NRXN3: variants seen among roughly 807,000 people sequenced by gnomAD.
NRXN3 encodes the protein neurexin 3.
Under a neutral mutation model 137.6 loss-of-function variants are expected in NRXN3, and 32 were observed. The observed-to-expected ratio is 0.23, with a 90% confidence interval of 0.18 to 0.31. NRXN3 has a LOEUF of 0.31. NRXN3 is among the 10% of genes least tolerant of loss of function. The probability of loss-of-function intolerance (pLI) is 1.00; values close to 1 mark genes in which losing one functional copy is unlikely to be tolerated. For synonymous variants in NRXN3, 798 were observed against 784.5 expected (o/e 1.02, Z -0.29); for missense variants, 1,574 against 2,062.5 (o/e 0.76, Z 4.59).
intron 16 of NRXN3, among the ~76,000 whole-genome samples, chr14:79,634,893 C>T (rs576953171): frequency 6.6e-6 from 1 of 152,154 alleles, no homozygotes; most frequent in Non-Finnish European, 1.5e-5. Context: ...TTTTTAGATT[C>T]CATATATGAG....
chr14:78,403,877 A>C, intron 4 of NRXN3: 2 of 985,334 alleles, frequency 2.0e-6, no homozygotes, highest in Non-Finnish European at 2.4e-6. Flanking sequence ...CGAGCTTGGC[A>C]GGTAAGTCTT....
chr14:79,151,743 G>A lies in NRXN3; in HGVS notation c.3262+163602G>A, dbSNP rs540475988. On this transcript the variant is annotated intron_variant, in intron 15 of 20. Coordinates refer to ENST00000335750, the MANE Select transcript of NRXN3 (RefSeq NM_001330195.2). Reference sequence around the variant, plus strand: ...CTTTTGGGGTAGATCTAGACACCGTGATGTGTCAGCAGCCTCTTAGTTGCT... The same window carrying A: ...CTTTTGGGGTAGATCTAGACACCGTAATGTGTCAGCAGCCTCTTAGTTGCT... 5.9e-5 allele frequency among the ~76,000 whole-genome samples: 9 copies of A among 152,040 alleles called. No individual in the cohort carries two copies. In the East Asian group the frequency reaches 1.8e-3, roughly 30 times the overall value.
intron 15 of NRXN3, among the ~76,000 whole-genome samples, chr14:79,363,187 A>G (rs944093664): frequency 7.9e-5 from 12 of 152,158 alleles, no homozygotes; most frequent in African/African-American, 2.9e-4. Context: ...TTTAGTAGAG[A>G]CAGGGTTTCG....
intron 15 of NRXN3, among the ~76,000 whole-genome samples, chr14:79,263,161 C>T (rs1290473783): frequency 6.6e-6 from 1 of 152,096 alleles, no homozygotes; most frequent in Non-Finnish European, 1.5e-5. Flanking sequence ...AATTTTGGGT[C>T]TTGAACACAT....
At chr14:78,865,166 CAAGG>C (rs2099083457) in intron 10 of NRXN3, among the ~76,000 whole-genome samples, 1 of 152,044 alleles carries the variant, frequency 6.6e-6, no homozygotes, top group South Asian at 2.1e-4. Flanking sequence ...GAAAAAAAGA[CAAGG>C]AAGGTAGTGC....
chr14:78,739,430 G>A (rs748413300), intron 8 of NRXN3, among the ~76,000 whole-genome samples: 15 of 152,148 alleles, frequency 9.9e-5, no homozygotes, highest in Non-Finnish European at 4.4e-5. Context: ...AACTTTGGTT[G>A]CCCTCCACAG....
Position 78,965,621 on chromosome 14 carries a change from C to T in NRXN3, c.2396-404C>T, listed in dbSNP as rs1230826587. ...ACGAGTACTAAGTGGAGAGTTATTACGAGAAAAAATACTTGGTAGTGATGC... is the reference window on the plus strand; with the variant it reads ...ACGAGTACTAAGTGGAGAGTTATTATGAGAAAAAATACTTGGTAGTGATGC... On this transcript the variant is annotated intron_variant, in intron 11 of 20. Transcript: ENST00000335750. Among the ~76,000 whole-genome samples the T allele has an allele frequency of 3.9e-5, 6 of 152,192 alleles. No homozygotes were observed. The South Asian group carries it at 1.0e-3, about 26-fold the overall frequency.
At chr14:79,645,183 T>C (rs1008183249) in intron 16 of NRXN3, among the ~76,000 whole-genome samples, 1 of 135,110 alleles carries the variant, frequency 7.4e-6, no homozygotes, top group Non-Finnish European at 1.7e-5. Flanking sequence ...TTAAATATAT[T>C]GTTTCCTGGA....
intron 16 of NRXN3, among the ~76,000 whole-genome samples, chr14:79,635,121 T>G (rs1050832823): frequency 6.6e-6 from 1 of 152,222 alleles, no homozygotes; most frequent in Non-Finnish European, 1.5e-5. Flanking sequence ...GTGATAGATA[T>G]GCTAATTGCC....
At chr14:78,437,083 A>G (rs1479831556) in intron 4 of NRXN3, among the ~76,000 whole-genome samples, 3 of 152,112 alleles carry the variant, frequency 2.0e-5, no homozygotes, top group African/African-American at 4.8e-5. Context: ...CATCCCCTTC[A>G]TGTGGTTGTT....
chr14:78,770,729 A>G (rs2098724362), intron 8 of NRXN3, among the ~76,000 whole-genome samples: 1 of 152,228 alleles, frequency 6.6e-6, no homozygotes, highest in Non-Finnish European at 1.5e-5. Flanking sequence ...TTAAAAAAGT[A>G]AAAGTAAATT....
At chr14:79,453,424 A>G (rs755799681) in intron 15 of NRXN3, among the ~76,000 whole-genome samples, 2 of 152,254 alleles carry the variant, frequency 1.3e-5, no homozygotes, top group Admixed American at 6.5e-5. Context: ...TTACAACCAC[A>G]TGCAGACTAT....
intron 4 of NRXN3, among the ~76,000 whole-genome samples, chr14:78,338,840 G>T (rs1001915588): frequency 1.3e-5 from 2 of 152,180 alleles, no homozygotes; most frequent in African/African-American, 4.8e-5. Flanking sequence ...ACTTGAAAGG[G>T]CCTCTTCATT....
intron 10 of NRXN3, among the ~76,000 whole-genome samples, chr14:78,878,864 C>A (rs2099120511): frequency 6.6e-6 from 1 of 152,020 alleles, no homozygotes; most frequent in Admixed American, 6.6e-5. Flanking sequence ...CCGCCTACAC[C>A]ACCTCAGCAC....
intron 2 of NRXN3, among the ~76,000 whole-genome samples, chr14:78,265,196 G>A (rs2071494165): frequency 1.3e-5 from 2 of 152,184 alleles, no homozygotes; most frequent in Non-Finnish European, 2.9e-5. Flanking sequence ...AGGGGCAGGA[G>A]TAGAGAATCC....
chr14:79,103,653 T>C (rs955782126), intron 15 of NRXN3, among the ~76,000 whole-genome samples: 6 of 152,074 alleles, frequency 3.9e-5, no homozygotes, highest in Non-Finnish European at 8.8e-5. Context: ...TTGCCCAAGT[T>C]CCTGCAATGA....
intron 10 of NRXN3, among the ~76,000 whole-genome samples, chr14:78,937,373 A>C (rs2099344283): frequency 6.6e-6 from 1 of 152,102 alleles, no homozygotes; most frequent in African/African-American, 2.4e-5. Context: ...TCTGCTGCTG[A>C]AATTTGTTTC....
intron 4 of NRXN3, among the ~76,000 whole-genome samples, chr14:78,578,624 G>A (rs977091531): frequency 6.6e-6 from 1 of 152,206 alleles, no homozygotes; most frequent in Non-Finnish European, 1.5e-5. Flanking sequence ...ATGATGATGA[G>A]AAGCAGAAAA....
At chr14:78,976,403 T>C (rs917851263) in intron 14 of NRXN3, among the ~76,000 whole-genome samples, 4 of 152,146 alleles carry the variant, frequency 2.6e-5, no homozygotes, top group Non-Finnish European at 5.9e-5. Flanking sequence ...CTGGCTATTT[T>C]GAGAAAGTCA....
Sources: allele counts gnomAD v4.1 joint callset (sites outside exome capture counted in the v4.1 genomes callset), GRCh38; gene constraint gnomAD v4.1.1; transcripts MANE v1.5; gene names NCBI Gene and HGNC (gene_info 2026-07-23, HGNC 2026-07-21).